ADARB1: variants seen among roughly 807,000 people sequenced by gnomAD.
The protein encoded by ADARB1 is adenosine deaminase RNA specific B1.
ADARB1 carries 10 observed loss-of-function variants against 52.4 expected under a neutral mutation model. The ratio of observed to expected loss-of-function variants is 0.19; its 90% CI spans 0.12 to 0.32. ADARB1 has a LOEUF of 0.32. ADARB1 is among the 10% of genes least tolerant of loss of function. The pLI is 1.00. For synonymous variants in ADARB1, 349 were observed against 371.1 expected (o/e 0.94, Z 0.68); for missense variants, 643 against 922.3 (o/e 0.70, Z 3.92).
chr21:45,149,260 C>T (rs1033766379), intron 2 of ADARB1, among the ~76,000 whole-genome samples: 19 of 152,204 alleles, frequency 1.2e-4, no homozygotes, highest in Non-Finnish European at 2.6e-4. Context: ...CCAGCTCTGT[C>T]CTCTGTACTG....
rs761870063 is a variant in ADARB1 at position 45,172,655 on chromosome 21, G to C, written c.28+971G>C. Among the ~76,000 whole-genome samples, 5 of 152,188 alleles carry C rather than the reference G, an allele frequency of 3.3e-5. No individual in the cohort carries two copies. Among genetic ancestry groups the C allele is most frequent in the Non-Finnish European group, 7.3e-5 (5 of 68,040 alleles). On this transcript the variant is annotated intron_variant, in intron 3 of 10. Transcript: ENST00000348831. The surrounding 1 kb of genome is among the most constrained non-coding windows in gnomAD (Gnocchi z 4.4). ...TGCTGCCCCATGGGTGTGCTGTGGA[G>C]GCGGCTGGGCCTCTGCTCTATGGAC...
At chr21:45,186,190 A>G (rs986202658) in intron 8 of ADARB1, among the ~76,000 whole-genome samples, 2 of 152,254 alleles carry the variant, frequency 1.3e-5, no homozygotes, top group African/African-American at 4.8e-5. Context: ...AAATGATACT[A>G]TGCTGTAAAT....
chr21:45,138,088 AT>A (rs1456026577), intron 2 of ADARB1, among the ~76,000 whole-genome samples: 1 of 152,172 alleles, frequency 6.6e-6, no homozygotes, highest in Non-Finnish European at 1.5e-5. Context: ...CATTTTAGAT[AT>A]TTGTATTTCT....
chr21:45,192,035 C>T (rs2146271748), intron 8 of ADARB1, among the ~76,000 whole-genome samples: 1 of 151,440 alleles, frequency 6.6e-6, no homozygotes, highest in East Asian at 1.9e-4. Flanking sequence ...TTTTAGCCTT[C>T]ATATTATTCT....
At chr21:45,079,639 A>G (rs892833877) in intron 1 of ADARB1, among the ~76,000 whole-genome samples, 22 of 152,264 alleles carry the variant, frequency 1.4e-4, no homozygotes, top group Non-Finnish European at 2.9e-5. Context: ...TTTCTCATCT[A>G]TAAATTAGGA....
chr21:45,178,778 C>T (rs560426328), intron 4 of ADARB1, among the ~76,000 whole-genome samples: 5 of 152,124 alleles, frequency 3.3e-5, no homozygotes, highest in African/African-American at 1.2e-4. Flanking sequence ...ATATCTGTCC[C>T]CCAAATTAAG....
chr21:45,138,423 G>A (rs901189976), intron 2 of ADARB1, among the ~76,000 whole-genome samples: 1 of 152,196 alleles, frequency 6.6e-6, no homozygotes, highest in Non-Finnish European at 1.5e-5. Flanking sequence ...CCAGAGTTCA[G>A]CCATCTTAGG....
intron 4 of ADARB1, 64 bp from the exon 5 acceptor site, chr21:45,180,266 G>C: frequency 8.4e-7 from 1 of 1,191,666 alleles, no homozygotes; most frequent in Non-Finnish European, 1.2e-6. Flanking sequence ...GTGCAGCATT[G>C]AGAGAGTGAG....
chr21:45,139,387 TG>T (rs1414772552), intron 2 of ADARB1, among the ~76,000 whole-genome samples: 1 of 152,244 alleles, frequency 6.6e-6, no homozygotes, highest in Non-Finnish European at 1.5e-5. Flanking sequence ...CTTGATTTTT[TG>T]GTTCTGTTTT....
Position 45,129,786 on chromosome 21 carries a change from G to A in ADARB1, c.-48+1213G>A, listed in dbSNP as rs112177257. The stretch of plus-strand genomic sequence containing the variant: ...TGAGAGTGGCTGGGAGCCTAGGGGG[G>A]ACGCCGTCTTTGGGGAGTAGAGACA... On this transcript the variant is annotated intron_variant, in intron 2 of 10. Transcript: ENST00000348831. Among the ~76,000 whole-genome samples, 780 of 152,306 alleles carry A rather than the reference G, an allele frequency of 5.1e-3. 12 individuals carry two copies. Among genetic ancestry groups the A allele is most frequent in the African/African-American group, 0.017 (727 of 41,562 alleles).
intron 2 of ADARB1, among the ~76,000 whole-genome samples, chr21:45,138,524 G>T (rs1052613481): frequency 6.6e-6 from 1 of 152,220 alleles, no homozygotes; most frequent in Admixed American, 6.5e-5. Flanking sequence ...GGAGCAGGCC[G>T]TGGAGCTCTT....
chr21:45,196,465 A>G (rs1369354934), intron 8 of ADARB1, among the ~76,000 whole-genome samples: 1 of 152,212 alleles, frequency 6.6e-6, no homozygotes, highest in East Asian at 1.9e-4. Context: ...TAGCTACACT[A>G]AAAAAGACTT....
intron 8 of ADARB1, among the ~76,000 whole-genome samples, chr21:45,196,306 A>G (rs1368555635): frequency 2.0e-5 from 3 of 152,046 alleles, no homozygotes; most frequent in African/African-American, 7.2e-5. Flanking sequence ...GAAAAAAAAA[A>G]AGCAAAAAAA....
At chr21:45,112,003 C>G (rs1355533339) in intron 1 of ADARB1, among the ~76,000 whole-genome samples, 1 of 152,214 alleles carries the variant, frequency 6.6e-6, no homozygotes, top group Non-Finnish European at 1.5e-5. Flanking sequence ...TTGGAAGTTT[C>G]TGTCTTCTTA....
intron 8 of ADARB1, among the ~76,000 whole-genome samples, chr21:45,186,279 A>G (rs1040743902): frequency 3.9e-5 from 6 of 152,232 alleles, no homozygotes; most frequent in Non-Finnish European, 7.3e-5. Flanking sequence ...CCAGTTCACT[A>G]CTGACTTTTG....
chr21:45,124,075 G>A (rs879424633), intron 1 of ADARB1, among the ~76,000 whole-genome samples: 5 of 152,064 alleles, frequency 3.3e-5, no homozygotes, highest in African/African-American at 7.2e-5. Context: ...TACATAAATC[G>A]ATTTTCATAC....
chr21:45,090,698 G>A (rs1196116391), intron 1 of ADARB1, among the ~76,000 whole-genome samples: 6 of 152,132 alleles, frequency 3.9e-5, no homozygotes, highest in African/African-American at 1.4e-4. Flanking sequence ...TACCTGTGCA[G>A]CTCAGCACTC....
intron 1 of ADARB1, among the ~76,000 whole-genome samples, chr21:45,096,795 G>A (rs138937925): frequency 0.013 from 1,999 of 152,170 alleles, 15 homozygotes; most frequent in Non-Finnish European, 0.022. Context: ...TGTCTCTGTC[G>A]CCCAGGCGGT....
At chr21:45,109,526 G>A (rs1163680108) in intron 1 of ADARB1, among the ~76,000 whole-genome samples, 4 of 152,182 alleles carry the variant, frequency 2.6e-5, no homozygotes, top group Admixed American at 6.5e-5. Context: ...TTTTTTCTGC[G>A]TCGCCTGCGT....
Sources: allele counts gnomAD v4.1 joint callset (sites outside exome capture counted in the v4.1 genomes callset), GRCh38; gene constraint gnomAD v4.1.1; non-coding constraint Gnocchi (gnomAD v3.1); transcripts MANE v1.5; gene names NCBI Gene and HGNC (gene_info 2026-07-23, HGNC 2026-07-21).